Variants in BRINP3 observed in about 807,000 individuals in gnomAD.
The protein encoded by BRINP3 is BMP/retinoic acid-inducible neural-specific protein 3.
Under a neutral mutation model 71.0 loss-of-function variants are expected in BRINP3, and 19 were observed. That is an observed-to-expected ratio of 0.27 (90% confidence interval 0.19 to 0.39). BRINP3 has a LOEUF of 0.39. BRINP3 is among the 10% of genes least tolerant of loss of function. The probability of loss-of-function intolerance (pLI) is 1.00; values close to 1 mark genes in which losing one functional copy is unlikely to be tolerated. For missense variants in BRINP3, 959 were observed against 940.8 expected, an observed-to-expected ratio of 1.02 and a Z score of -0.25; for synonymous variants, 380 against 337.7, an observed-to-expected ratio of 1.13 and a Z score of -1.37.
At chr1:190,247,601 C>A (rs1451981656) in intron 4 of BRINP3, among the ~76,000 whole-genome samples, 3 of 151,734 alleles carry the variant, frequency 2.0e-5, no homozygotes, top group African/African-American at 4.8e-5. Context: ...ACTTCGTATC[C>A]CTTAACAAAT....
At chr1:190,316,831 A>G (rs1408545282) in intron 2 of BRINP3, among the ~76,000 whole-genome samples, 1 of 152,132 alleles carries the variant, frequency 6.6e-6, no homozygotes, top group Non-Finnish European at 1.5e-5. Flanking sequence ...CAAGAAAAAG[A>G]GTATGAAGGA....
intron 6 of BRINP3, among the ~76,000 whole-genome samples, chr1:190,210,908 T>A (rs563846257): frequency 7.2e-5 from 11 of 152,108 alleles, no homozygotes; most frequent in Non-Finnish European, 1.3e-4. Context: ...GCTTGTTGAG[T>A]CTTCCAGCCT....
At chr1:190,463,073 T>A (rs1676501602) in intron 1 of BRINP3, among the ~76,000 whole-genome samples, 1 of 151,880 alleles carries the variant, frequency 6.6e-6, no homozygotes, top group South Asian at 2.1e-4. Context: ...ATTTATTGGG[T>A]TGAAAAGTAT....
In BRINP3 at chr1:190,259,801, G is replaced by A. The variant is rs538310459; in HGVS notation, c.618+5064C>T. ...TCCCAGCACTTTAGGAGGCTGAGGC[G>A]GGTGAAACACCTGAGGTCAGGAGTT... On this transcript the variant is annotated intron_variant, in intron 4 of 7. Transcript: ENST00000367462. Among the ~76,000 whole-genome samples the A allele has an allele frequency of 5.3e-5, 8 of 151,922 alleles. No individual in the cohort carries two copies. In the East Asian group the frequency reaches 1.2e-3, roughly 22 times the overall value.
intron 7 of BRINP3, among the ~76,000 whole-genome samples, chr1:190,155,691 G>T (rs1477952327): frequency 6.6e-6 from 1 of 152,036 alleles, no homozygotes; most frequent in Non-Finnish European, 1.5e-5. Context: ...TGAGGTAATT[G>T]TAGGGGCAGT....
intron 7 of BRINP3, among the ~76,000 whole-genome samples, chr1:190,110,760 C>G (rs1326322636): frequency 6.6e-6 from 1 of 151,960 alleles, no homozygotes; most frequent in African/African-American, 2.4e-5. Context: ...TAGGTTACAT[C>G]TATATTCCAT....
At chr1:190,403,535 G>C (rs538531071) in intron 2 of BRINP3, among the ~76,000 whole-genome samples, 23 of 152,254 alleles carry the variant, frequency 1.5e-4, no homozygotes, top group Admixed American at 9.2e-4. Context: ...AAGCCAAATG[G>C]TTTTATTCTA....
intron 5 of BRINP3, among the ~76,000 whole-genome samples, chr1:190,234,120 ATAT>A (rs1266407292): frequency 2.0e-5 from 3 of 152,148 alleles, no homozygotes; most frequent in Admixed American, 6.6e-5. Context: ...CGTAAGAAAA[ATAT>A]TATTAGGACA....
chr1:190,117,690 T>C (rs1182940598), intron 7 of BRINP3, among the ~76,000 whole-genome samples: 3 of 152,048 alleles, frequency 2.0e-5, no homozygotes, highest in Admixed American at 2.0e-4. Context: ...ACAAATGTCA[T>C]TATCACATAA....
At chr1:190,310,812 A>G (rs1665464124) in intron 2 of BRINP3, among the ~76,000 whole-genome samples, 1 of 151,746 alleles carries the variant, frequency 6.6e-6, no homozygotes, top group Admixed American at 6.6e-5. Flanking sequence ...CTTATTACAT[A>G]TTTCTTCATT....
chr1:190,120,771 G>A (rs12742805), intron 7 of BRINP3, among the ~76,000 whole-genome samples: 3,321 of 151,954 alleles, frequency 0.022, 66 homozygotes, highest in Middle Eastern at 0.058. Context: ...CAAAGTGCTG[G>A]TATTACAAGT....
At chr1:190,397,994 T>C (rs1364038348) in intron 2 of BRINP3, among the ~76,000 whole-genome samples, 1 of 151,962 alleles carries the variant, frequency 6.6e-6, no homozygotes, top group Non-Finnish European at 1.5e-5. Context: ...AAGACTTTAT[T>C]TTTGGACCAT....
intron 2 of BRINP3, among the ~76,000 whole-genome samples, chr1:190,347,617 A>G (rs1418523567): frequency 1.3e-5 from 2 of 152,136 alleles, no homozygotes; most frequent in East Asian, 3.9e-4. Context: ...ATGCAGAAAT[A>G]CCAATTTTCC....
chr1:190,173,121 A>T (rs551654249), intron 6 of BRINP3, among the ~76,000 whole-genome samples: 28 of 152,226 alleles, frequency 1.8e-4, no homozygotes, highest in African/African-American at 6.5e-4. Context: ...TTCCTGTTTA[A>T]AAACAGATGA....
At chr1:190,237,878 A>G (rs924269557) in intron 4 of BRINP3, among the ~76,000 whole-genome samples, 19 of 152,170 alleles carry the variant, frequency 1.2e-4, no homozygotes, top group African/African-American at 4.3e-4. Context: ...GGCATAATCT[A>G]AGACTTTCCA....
intron 4 of BRINP3, among the ~76,000 whole-genome samples, chr1:190,241,197 T>C (rs2102769232): frequency 6.6e-6 from 1 of 152,204 alleles, no homozygotes; most frequent in African/African-American, 2.4e-5. Flanking sequence ...GAAGAAAATG[T>C]AGAAGAGACA....
At chr1:190,388,337 T>C (rs1245434224) in intron 2 of BRINP3, among the ~76,000 whole-genome samples, 2 of 151,840 alleles carry the variant, frequency 1.3e-5, no homozygotes, top group African/African-American at 4.8e-5. Flanking sequence ...GGTACTGGGT[T>C]GAATTCTGTC....
chr1:190,259,252 G>A (rs1385774972), intron 4 of BRINP3, among the ~76,000 whole-genome samples: 1 of 149,772 alleles, frequency 6.7e-6, no homozygotes, highest in Non-Finnish European at 1.5e-5. Flanking sequence ...CAAACTACTG[G>A]CAAACTAGAT....
intron 7 of BRINP3, among the ~76,000 whole-genome samples, chr1:190,105,342 T>A (rs1652060216): frequency 6.6e-6 from 1 of 152,034 alleles, no homozygotes; most frequent in African/African-American, 2.4e-5. Context: ...AATTCAATTA[T>A]CTACTAATAA....
Sources: gnomAD v4.1 joint callset for allele counts (sites outside exome capture counted in the v4.1 genomes callset) on GRCh38, gnomAD v4.1.1 for gene constraint, MANE v1.5 for transcripts, NCBI Gene and HGNC (gene_info 2026-07-23, HGNC 2026-07-21) for gene names.